Variants in JARID2 observed in about 807,000 individuals in gnomAD.
JARID2 encodes the protein protein Jumonji.
A neutral mutation model predicts 125.6 loss-of-function variants in JARID2; 21 were observed. The ratio of observed to expected loss-of-function variants is 0.17; its 90% CI spans 0.12 to 0.24. The LOEUF (loss-of-function observed/expected upper bound fraction) is 0.24, where lower values mean the gene tolerates loss of function less well. JARID2 is among the 10% of genes least tolerant of loss of function. The pLI, the probability that JARID2 is intolerant of heterozygous loss-of-function variation, is 1.00. For synonymous variants in JARID2, 736 were observed against 661.6 expected, an observed-to-expected ratio of 1.11 and a Z score of -1.73; for missense variants, 1,303 against 1,639.6, an observed-to-expected ratio of 0.79 and a Z score of 3.55.
At chr6:15,333,133 T>C (rs1323794572) in intron 1 of JARID2, among the ~76,000 whole-genome samples, 1 of 151,866 alleles carries the variant, frequency 6.6e-6, no homozygotes, top group African/African-American at 2.4e-5. Flanking sequence ...GGGGTTTCAC[T>C]GTGTTAGCCA....
intron 1 of JARID2, among the ~76,000 whole-genome samples, chr6:15,337,197 T>A (rs1377836629): frequency 6.6e-6 from 1 of 152,204 alleles, no homozygotes; most frequent in Non-Finnish European, 1.5e-5. Context: ...CCTTGTCTCT[T>A]CTCTCTCTTA....
intron 4 of JARID2, among the ~76,000 whole-genome samples, chr6:15,453,061 A>G (rs1241473756): frequency 6.6e-6 from 1 of 152,244 alleles, no homozygotes; most frequent in Non-Finnish European, 1.5e-5. Flanking sequence ...GTTTCCACCC[A>G]TCATCCCTCA....
At chr6:15,344,760 A>C (rs2127473304) in intron 1 of JARID2, among the ~76,000 whole-genome samples, 1 of 152,286 alleles carries the variant, frequency 6.6e-6, no homozygotes, top group East Asian at 1.9e-4. Flanking sequence ...AGTTTTCTGT[A>C]ATAATTTCTT....
intron 4 of JARID2, among the ~76,000 whole-genome samples, chr6:15,455,842 A>T (rs1316490940): frequency 1.3e-5 from 2 of 152,224 alleles, no homozygotes; most frequent in Admixed American, 6.5e-5. Context: ...CAGGTTCTTT[A>T]AAGAGTAACT....
At chr6:15,353,742 A>C (rs933772790) in intron 1 of JARID2, among the ~76,000 whole-genome samples, 2 of 152,216 alleles carry the variant, frequency 1.3e-5, no homozygotes, top group African/African-American at 2.4e-5. Context: ...AATGCAAAAA[A>C]AAAAATTCTT....
chr6:15,407,620 T>A (rs1192030817), intron 2 of JARID2, among the ~76,000 whole-genome samples: 1 of 152,232 alleles, frequency 6.6e-6, no homozygotes, highest in Non-Finnish European at 1.5e-5. Flanking sequence ...TATACCAATA[T>A]AGCTCTTCTT....
At chr6:15,477,589 G>A (rs1270254540) in intron 5 of JARID2, among the ~76,000 whole-genome samples, 2 of 148,142 alleles carry the variant, frequency 1.4e-5, no homozygotes, top group Admixed American at 6.8e-5. Flanking sequence ...CCCCCTTTAC[G>A]CATTTGGGGC....
At chr6:15,413,000 G>GT (rs1561845196) in intron 3 of JARID2, among the ~76,000 whole-genome samples, 3 of 65,024 alleles carry the variant, frequency 4.6e-5, no homozygotes, top group African/African-American at 6.0e-5. Context: ...GGAAGAGCTT[G>GT]TGTTTTTGTT....
intron 2 of JARID2, among the ~76,000 whole-genome samples, chr6:15,388,231 G>A (rs1421328864): frequency 6.6e-6 from 1 of 152,018 alleles, no homozygotes; most frequent in African/African-American, 2.4e-5. Context: ...CAAATTTAGA[G>A]GGCCCTTTAC....
At chr6:15,297,849 G>A (rs912544185) in intron 1 of JARID2, among the ~76,000 whole-genome samples, 5 of 151,472 alleles carry the variant, frequency 3.3e-5, no homozygotes, top group Admixed American at 6.6e-5. Context: ...CTCTACAAAT[G>A]TAAAATGTTA....
At chr6:15,269,975 GTTTT>G (rs1370107276) in intron 1 of JARID2, among the ~76,000 whole-genome samples, 1 of 152,108 alleles carries the variant, frequency 6.6e-6, no homozygotes, top group Non-Finnish European at 1.5e-5. Flanking sequence ...ATTGGTAGAG[GTTTT>G]TTGTTTTTTC....
At chr6:15,354,978 A>C (rs1763549241) in intron 1 of JARID2, among the ~76,000 whole-genome samples, 1 of 152,202 alleles carries the variant, frequency 6.6e-6, no homozygotes, top group Non-Finnish European at 1.5e-5. Flanking sequence ...CGGATTGCTG[A>C]CCATGATAAG....
chr6:15,386,393 C>T (rs961682130), intron 2 of JARID2, among the ~76,000 whole-genome samples: 4 of 152,260 alleles, frequency 2.6e-5, no homozygotes, highest in Non-Finnish European at 4.4e-5. Context: ...GACAAGTGTA[C>T]ACATATAACC....
intron 1 of JARID2, among the ~76,000 whole-genome samples, chr6:15,350,778 G>T (rs1400998825): frequency 6.7e-6 from 1 of 149,946 alleles, no homozygotes. Context: ...AAACTGAGTG[G>T]CAGCAGGCTG....
chr6:15,519,224 T>C (rs943965731), intron 17 of JARID2, among the ~76,000 whole-genome samples: 6 of 152,254 alleles, frequency 3.9e-5, no homozygotes, highest in Non-Finnish European at 8.8e-5. Flanking sequence ...ATGGGTTTTA[T>C]GGCAGCTCAT....
chr6:15,251,592 G>A (rs1759456527), intron 1 of JARID2, among the ~76,000 whole-genome samples: 1 of 152,212 alleles, frequency 6.6e-6, no homozygotes, highest in South Asian at 2.1e-4. Context: ...CTTTCACCCA[G>A]AAGTCTTGCC....
chr6:15,282,462 AT>A (rs1222393208), intron 1 of JARID2, among the ~76,000 whole-genome samples: 5 of 151,324 alleles, frequency 3.3e-5, no homozygotes, highest in East Asian at 1.9e-4. Flanking sequence ...AGCTGTCCAT[AT>A]TTTTTTTCTT....
intron 2 of JARID2, among the ~76,000 whole-genome samples, chr6:15,408,964 G>A (rs879810290): frequency 6.6e-6 from 1 of 152,054 alleles, no homozygotes; most frequent in Non-Finnish European, 1.5e-5. Flanking sequence ...CTCATTAGTC[G>A]AAGTGAATAA....
At chr6:15,507,683 C>G (rs571976384) in intron 11 of JARID2, among the ~76,000 whole-genome samples, 1 of 152,300 alleles carries the variant, frequency 6.6e-6, no homozygotes, top group East Asian at 1.9e-4. Flanking sequence ...CTTGAAATTG[C>G]TGCTTTCAAA....
Sources: gnomAD v4.1 joint callset for allele counts (sites outside exome capture counted in the v4.1 genomes callset) on GRCh38, gnomAD v4.1.1 for gene constraint, MANE v1.5 for transcripts, NCBI Gene and HGNC (gene_info 2026-07-23, HGNC 2026-07-21) for gene names.